EEF1D: variants seen among roughly 807,000 people sequenced by gnomAD.
The protein encoded by EEF1D is elongation factor 1-delta.
A neutral mutation model predicts 63.9 loss-of-function variants in EEF1D; 47 were observed. The observed-to-expected ratio is 0.74, with a 90% CI of 0.58 to 0.94. The LOEUF is 0.94. EEF1D is among the 40% of genes least tolerant of loss of function. EEF1D has a pLI of 0.00. For synonymous variants in EEF1D, 412 were observed against 386.1 expected (o/e 1.07, Z -0.79); for missense variants, 907 against 899.0 (o/e 1.01, Z -0.11).
At chr8:143,581,486 G>A (rs1033432107) in intron 5 of EEF1D, 158 bp from the exon 6 acceptor site, 8 of 648,114 alleles carry the variant, frequency 1.2e-5, no homozygotes, top group Middle Eastern at 4.2e-4. Flanking sequence ...GACCTCAGAG[G>A]TGGCGGCCAC....
chr8:143,588,909 A>T, intron 3 of EEF1D, 82 bp downstream of exon 3: 1 of 1,490,254 alleles, frequency 6.7e-7, no homozygotes. Context: ...GCAGGGGAGG[A>T]AGCTGGAGGA....
chr8:143,584,514 C>G (rs1240523717), intron 5 of EEF1D, among the ~76,000 whole-genome samples: 2 of 152,110 alleles, frequency 1.3e-5, no homozygotes, highest in African/African-American at 4.8e-5. Context: ...TTGCAGTGAG[C>G]CAGGATCATG....
At chr8:143,590,141 G>A (rs562066583) in intron 2 of EEF1D, 60 bp from the exon 3 acceptor site, 15 of 1,595,840 alleles carry the variant, frequency 9.4e-6, no homozygotes, top group East Asian at 8.9e-5. Flanking sequence ...GCGGGTGGCC[G>A]CAGCCCCGTG....
Position 143,580,623 on chromosome 8 carries a change from C to T in EEF1D, c.1593G>A (p.Glu531=), listed in dbSNP as rs1825282283. The change falls in exon 8 of 10, where the codon GAG becomes GAA. Residue 531 remains glutamate (E), a synonymous_variant. Coordinates refer to ENST00000618139, the MANE Select transcript of EEF1D (RefSeq NM_001130053.5). ...DDIDLFGSDN[E]EEDKEAAQLR... ...GCTGTGCCGCCTCCTTGTCCTCCTCCTCATTGTCACTGCCAAACAGGTCAA... is the reference window on the plus strand; with the variant it reads ...GCTGTGCCGCCTCCTTGTCCTCCTCTTCATTGTCACTGCCAAACAGGTCAA... 1 of 1,613,876 alleles carries T rather than the reference C, an allele frequency of 6.2e-7. No homozygotes were observed. Among genetic ancestry groups the T allele is most frequent in the East Asian group, 2.2e-5 (1 of 44,892 alleles).
At chr8:143,580,399 A>G in intron 8 of EEF1D, 107 bp downstream of exon 8, 3 of 1,395,526 alleles carry the variant, frequency 2.1e-6, no homozygotes, top group South Asian at 2.6e-5. Flanking sequence ...ACTCGGCTTT[A>G]AAGTCTCCCC....
intron 1 of EEF1D, chr8:143,593,996 C>A (rs775303884): frequency 6.8e-5 from 59 of 864,210 alleles, no homozygotes; most frequent in Middle Eastern, 1.2e-3. Flanking sequence ...CAGGACACAG[C>A]GACTCTTTCA....
At chr8:143,587,343 T>C (rs1036237243) in intron 3 of EEF1D, 1 of 152,462 alleles carries the variant, frequency 6.6e-6, no homozygotes, top group African/African-American at 2.4e-5. Flanking sequence ...ATTTTTTTTT[T>C]GTGTGAGATG....
At chr8:143,582,930 C>A (rs1825838518) in intron 5 of EEF1D, 1 of 152,336 alleles carries the variant, frequency 6.6e-6, no homozygotes, top group Non-Finnish European at 1.5e-5. Flanking sequence ...CCCTGCAGTT[C>A]TGAAACCCCA....
rs1825539016 is a variant in EEF1D, at chr8:143,581,417, G to A, written c.1288-89C>T. On this transcript the variant is annotated intron_variant, in intron 5 of 9. Transcript: ENST00000618139. Reference sequence around the variant, plus strand: ...TCAGGACTGCAGGAACTCACGGAAGGAAAACTACAGCTCGGGAGAGCAGGA... The same window carrying A: ...TCAGGACTGCAGGAACTCACGGAAGAAAAACTACAGCTCGGGAGAGCAGGA... 52 of 1,203,252 alleles carry A rather than the reference G, an allele frequency of 4.3e-5. No homozygotes were observed. In the South Asian group the frequency reaches 7.1e-4, roughly 16 times the overall value. The allele number at this position is 1,203,252 out of a possible 1,614,324, so 74.5% of individuals were successfully genotyped here.
rs775910433 is a variant in EEF1D, at chr8:143,586,864, A to G, written c.1092-12T>C. On this transcript the variant is annotated splice_polypyrimidine_tract_variant and intron_variant, in intron 3 of 9. Transcript: ENST00000618139. Reference sequence around the variant, plus strand: ...TAGCCATTTTTCTGCTGGGAGGGGAAAGAGGCAAAGTCAGCATGGCTGGGA... The same window carrying G: ...TAGCCATTTTTCTGCTGGGAGGGGAGAGAGGCAAAGTCAGCATGGCTGGGA... 8.1e-6 allele frequency: 13 copies of G among 1,613,140 alleles called. No individual in the cohort carries two copies. In the South Asian group the frequency reaches 1.3e-4, roughly 16 times the overall value.
chr8:143,590,105 C>A (rs1290013363), intron 2 of EEF1D, 24 bp from the exon 3 acceptor site: 1 of 1,598,178 alleles, frequency 6.3e-7, no homozygotes. Context: ...CGATAAAAAG[C>A]AAGCAGAGGG....
rs764937282 is a variant in EEF1D, at chr8:143,589,292, G to A, written c.790C>T (p.Arg264Ter). 10 of 1,585,344 alleles carry A rather than the reference G, an allele frequency of 6.3e-6. No individual in the cohort carries two copies. The highest frequency in any genetic ancestry group is 2.7e-5 in the African/African-American group (2 of 74,354). ...CGGGCACCCTCGGCCAGGCCGGCTC[G>A]CTCTTGCAGGCGCACCTTCCCTGGG... ...HPPGKVRLQE[R>*]AGLAEGARRG... Residue 264 changes from arginine to a stop codon, truncating the protein, a stop_gained, in exon 3 of 10, where the codon CGA (arginine) becomes TGA (stop). Coordinates refer to ENST00000618139, the MANE Select transcript of EEF1D (RefSeq NM_001130053.5). LOFTEE classifies it high-confidence loss of function.
At position 143,589,667 on chromosome 8, in the gene EEF1D, G is replaced by A. The variant is rs1382886460; in HGVS notation, c.415C>T (p.Pro139Ser). ...AGACCCCAAGGGGCCAAGGCAGGAG[G>A]CCAGGCTGCCTGGGCAGCCACATCT... ...LADVAAQAAWPPALAPWGLCT... is the reference protein window; with the variant it reads ...LADVAAQAAWSPALAPWGLCT... Residue 139 changes from proline to serine, a missense_variant, in exon 3 of 10, where the codon CCT (proline) becomes TCT (serine). Physicochemically the swap from Pro to Ser is moderately conservative, Grantham distance 74. Transcript: ENST00000618139. 6.5e-7 allele frequency: 1 copy of A among 1,536,240 alleles called. No homozygotes were observed. The highest frequency in any genetic ancestry group is 8.8e-7 in the Non-Finnish European group (1 of 1,140,902).
intron 1 of EEF1D, among the ~76,000 whole-genome samples, chr8:143,593,131 G>C (rs1828251592): frequency 1.3e-5 from 2 of 152,250 alleles, no homozygotes; most frequent in African/African-American, 4.8e-5. Flanking sequence ...AGGAGGCCCG[G>C]AAGATGACAA....
chr8:143,590,342 G>A, intron 2 of EEF1D: 1 of 637,578 alleles, frequency 1.6e-6, no homozygotes. Context: ...ACTCTGGGAG[G>A]CCAAGTGCCT....
At position 143,580,738 on chromosome 8, in the gene EEF1D, G is replaced by A; in HGVS notation, c.1489-11C>T. 6.2e-7 allele frequency: 1 copy of A among 1,611,782 alleles called. No individual in the cohort carries two copies. The highest frequency in any genetic ancestry group is 1.1e-5 in the South Asian group (1 of 91,084). On this transcript the variant is annotated splice_polypyrimidine_tract_variant and intron_variant, in intron 7 of 9. Transcript: ENST00000618139. ...CATGGGAGATACGTGCTGCCACAGG[G>A]GAAGGGACAGGAGGCACGGCTGAGA... is the stretch of plus-strand genomic sequence containing the variant.
At position 143,589,332 on chromosome 8, in the gene EEF1D, C is replaced by G; in HGVS notation, c.750G>C (p.Leu250=). ...DAAERGFYEA[L]FDGHPPGKVR... ...CCTTCCCTGGGGGATGGCCGTCAAA[C>G]AGGGCCTCGTAGAAGCCCCTCTCGG... Residue 250 remains leucine (L), a synonymous_variant, in exon 3 of 10, where the codon CTG becomes CTC. Transcript: ENST00000618139. 3.2e-6 allele frequency: 5 copies of G among 1,584,432 alleles called. No homozygotes were observed. The highest frequency in any genetic ancestry group is 4.3e-6 in the Non-Finnish European group (5 of 1,164,632).
chr8:143,590,660 T>TG, intron 2 of EEF1D: 3 of 890,998 alleles, frequency 3.4e-6, no homozygotes, highest in Non-Finnish European at 2.7e-6. Context: ...ATCCCAACAC[T>TG]TTGGGAGGCC....
intron 3 of EEF1D, 78 bp downstream of exon 3, chr8:143,588,913 T>C: frequency 3.3e-6 from 5 of 1,498,476 alleles, no homozygotes; most frequent in Non-Finnish European, 4.4e-6. Context: ...GGGAGGAAGC[T>C]GGAGGAGCCC....
Sources: allele counts gnomAD v4.1 joint callset (sites outside exome capture counted in the v4.1 genomes callset), GRCh38; gene constraint gnomAD v4.1.1; transcripts MANE v1.5; gene names NCBI Gene and HGNC (gene_info 2026-07-23, HGNC 2026-07-21).